Variants in RIPK4 observed in about 807,000 individuals in gnomAD.
The protein encoded by RIPK4 is receptor interacting serine/threonine kinase 4, also known as receptor-interacting serine/threonine-protein kinase 4.
In RIPK4, 17 loss-of-function variants were observed where a neutral mutation model predicts 42.9. The ratio of observed to expected loss-of-function variants is 0.40; its 90% CI spans 0.27 to 0.59. RIPK4 has a LOEUF of 0.59. Ranked by LOEUF, RIPK4 falls within the 20% of genes least tolerant of loss-of-function variation. RIPK4 has a pLI of 0.47. For synonymous variants in RIPK4, 498 were observed against 499.1 expected, an observed-to-expected ratio of 1.00 and a Z score of 0.03; for missense variants, 897 against 1,104.4, an observed-to-expected ratio of 0.81 and a Z score of 2.66.
At chr21:41,753,514 G>C (rs758394918) in intron 2 of RIPK4, among the ~76,000 whole-genome samples, 1 of 152,126 alleles carries the variant, frequency 6.6e-6, no homozygotes, top group African/African-American at 2.4e-5. Flanking sequence ...TCCATGTCTC[G>C]GACTCCTGGC....
intron 1 of RIPK4, among the ~76,000 whole-genome samples, chr21:41,763,562 C>T (rs1345541547): frequency 1.3e-5 from 2 of 152,164 alleles, no homozygotes; most frequent in African/African-American, 2.4e-5. Flanking sequence ...CAAAGAGCTC[C>T]GAAGGAGAAA....
chr21:41,766,600 G>T (rs1227431225), intron 1 of RIPK4, among the ~76,000 whole-genome samples: 1 of 152,090 alleles, frequency 6.6e-6, no homozygotes, highest in Non-Finnish European at 1.5e-5. Context: ...AGCCCCAGAG[G>T]AGCCCCAGAG....
intron 1 of RIPK4, among the ~76,000 whole-genome samples, chr21:41,761,393 T>C (rs2061219854): frequency 1.3e-5 from 2 of 152,274 alleles, no homozygotes; most frequent in South Asian, 4.1e-4. Context: ...CAGCTGCTGC[T>C]TCTCTTTTAT....
Position 41,742,107 on chromosome 21 carries a change from G to A in RIPK4, c.1196-110C>T, listed in dbSNP as rs1391239632. The A allele has an allele frequency of 4.2e-6, 4 of 944,676 alleles. No homozygotes were observed. Among genetic ancestry groups the A allele is most frequent in the Non-Finnish European group, 6.4e-6 (4 of 625,650 alleles). The allele number at this position is 944,676 out of a possible 1,614,324, so 58.5% of individuals were successfully genotyped here. On this transcript the variant is annotated intron_variant, in intron 7 of 7. Coordinates refer to ENST00000332512, the MANE Select transcript of RIPK4 (RefSeq NM_020639.3). This position sits in a 1 kb window ranked among gnomAD's most constrained non-coding sequence, Gnocchi z 5.1. Reference sequence around the variant, plus strand: ...GGTGGAGGAGTGCCATGGCCTCCAGGCTGCTCGCTGGTCACCCGACTGTGT... The same window carrying A: ...GGTGGAGGAGTGCCATGGCCTCCAGACTGCTCGCTGGTCACCCGACTGTGT...
intron 1 of RIPK4, among the ~76,000 whole-genome samples, chr21:41,762,159 C>T (rs2838116): frequency 0.75 from 114,744 of 152,092 alleles, 43,484 homozygotes; most frequent in African/African-American, 0.82. Context: ...TTTGAGGGCA[C>T]TTTCTCGAGG....
rs114940970 is a variant in RIPK4 at position 41,747,293 on chromosome 21, G to A, written c.674-522C>T. Among the ~76,000 whole-genome samples the A allele has an allele frequency of 3.7e-3, 559 of 152,288 alleles. 5 individuals are homozygous for A. The highest frequency in any genetic ancestry group is 0.013 in the African/African-American group (526 of 41,550). On this transcript the variant is annotated intron_variant, in intron 4 of 7. Coordinates refer to ENST00000332512, the MANE Select transcript of RIPK4 (RefSeq NM_020639.3). ...TCCCCTGCCGGTGCACCAGGGCTGGGATGTGTGGAAGGGCTCTTTCCCCTC... is the reference window on the plus strand; with the variant it reads ...TCCCCTGCCGGTGCACCAGGGCTGGAATGTGTGGAAGGGCTCTTTCCCCTC...
In RIPK4 at chr21:41,756,720, G is replaced by A; in HGVS notation, c.279C>T (p.Gly93=). 6.2e-7 allele frequency: 1 copy of A among 1,614,212 alleles called. No individual in the cohort carries two copies. The highest frequency in any genetic ancestry group is 1.1e-5 in the South Asian group (1 of 91,082). ...PVYGICREPV[G]LVMEYMETGS... is the part of the protein sequence containing the mutation. ...CCGTCTCCATGTACTCCATGACCAG[G>A]CCGACAGGTTCGCGGCAGATGCCAT... The change falls in exon 2 of 8, where the codon GGC becomes GGT. Residue 93 remains glycine (G), a synonymous_variant. Transcript: ENST00000332512.
intron 4 of RIPK4, among the ~76,000 whole-genome samples, chr21:41,747,130 C>T (rs2061174431): frequency 6.6e-6 from 1 of 152,200 alleles, no homozygotes; most frequent in Non-Finnish European, 1.5e-5. Flanking sequence ...ACAGCCCAAG[C>T]CAGCAAAGGG....
chr21:41,744,234 G>A lies in RIPK4; in HGVS notation c.937-94C>T, dbSNP rs1011344193. On this transcript the variant is annotated intron_variant, in intron 6 of 7. Coordinates refer to ENST00000332512, the MANE Select transcript of RIPK4 (RefSeq NM_020639.3). ...AACACAGAAGAGCAAGGTGGGCCAC[G>A]GGAGGGAGATGGGGGAGGAAAGGAC... 3.3e-5 allele frequency: 42 copies of A among 1,283,814 alleles called. No individual in the cohort carries two copies. The African/African-American group carries it at 4.0e-4, about 12-fold the overall frequency. The allele number at this position is 1,283,814 out of a possible 1,614,324, so 79.5% of individuals were successfully genotyped here.
intron 4 of RIPK4, among the ~76,000 whole-genome samples, chr21:41,747,597 A>C (rs1009311676): frequency 1.2e-4 from 18 of 152,326 alleles, no homozygotes; most frequent in Admixed American, 9.8e-4. Flanking sequence ...ATCAGCCGAG[A>C]ATCACCCACG....
Position 41,740,726 on chromosome 21 carries a change from TAA to T in RIPK4, c.*110_*111del, listed in dbSNP as rs1853402752. 1 of 1,082,184 alleles carries T rather than the reference TAA, an allele frequency of 9.2e-7. No homozygotes were observed. The highest frequency in any genetic ancestry group is 2.6e-5 in the East Asian group (1 of 38,408). 67.0% of individuals were successfully genotyped at this position (1,082,184 alleles called of 1,614,324 possible). ...TGGCACCATGTCACCTCTGCTTGGT[TAA>T]CATTTAGGTAAGCCACAACAGGGCC... On this transcript the variant is annotated 3_prime_UTR_variant, in exon 8 of 8. Transcript: ENST00000332512.
Position 41,741,513 on chromosome 21 carries a change from G to T in RIPK4, c.1680C>A (p.Gly560=). ...CCTTGCCCTGCAGGCTCACGTCCAC[G>T]CCTCGGCGCAGCAGGATGCGCACGA... ...ENIVRILLRR[G]VDVSLQGKDA... The change falls in exon 8 of 8, where the codon GGC becomes GGA. Residue 560 remains glycine, a synonymous_variant. Transcript: ENST00000332512. 6.2e-7 allele frequency: 1 copy of T among 1,612,462 alleles called. No individual in the cohort carries two copies. Among genetic ancestry groups the T allele is most frequent in the Non-Finnish European group, 8.5e-7 (1 of 1,179,968 alleles).
Position 41,742,992 on chromosome 21 carries a change from G to A in RIPK4, c.1195+890C>T, listed in dbSNP as rs1167341528. 6.6e-6 allele frequency among the ~76,000 whole-genome samples: 1 copy of A among 152,160 alleles called. No homozygotes were observed. The highest frequency in any genetic ancestry group is 1.5e-5 in the Non-Finnish European group (1 of 68,040). ...TCTATGTAGCATTGCCTTAAAACAA[G>A]ACAGCCTCCTTTGCCCCCAATATTC... On this transcript the variant is annotated intron_variant, in intron 7 of 7. Coordinates refer to ENST00000332512, the MANE Select transcript of RIPK4 (RefSeq NM_020639.3). This position sits in a 1 kb window ranked among gnomAD's most constrained non-coding sequence, Gnocchi z 5.1.
intron 1 of RIPK4, among the ~76,000 whole-genome samples, chr21:41,759,176 G>A (rs1375506639): frequency 4.3e-4 from 65 of 152,078 alleles, no homozygotes; most frequent in Admixed American, 4.3e-3. Flanking sequence ...CTAGCTCACT[G>A]CAACCTCTAC....
intron 1 of RIPK4, among the ~76,000 whole-genome samples, chr21:41,762,034 C>A (rs2061221921): frequency 6.6e-6 from 1 of 152,220 alleles, no homozygotes. Context: ...GCCACTGCTG[C>A]TAGTTGGCTC....
intron 1 of RIPK4, among the ~76,000 whole-genome samples, chr21:41,764,210 A>G (rs1404628972): frequency 6.6e-6 from 1 of 152,170 alleles, no homozygotes; most frequent in Non-Finnish European, 1.5e-5. Flanking sequence ...GGCCTGGCGC[A>G]GCCTGCTCAT....
intron 2 of RIPK4, among the ~76,000 whole-genome samples, chr21:41,752,957 C>T (rs985532251): frequency 1.3e-5 from 2 of 152,122 alleles, no homozygotes; most frequent in African/African-American, 4.8e-5. Flanking sequence ...ATGTAACAAA[C>T]TGGCACATTC....
In RIPK4 at chr21:41,749,154, C is replaced by T; in HGVS notation, c.673G>A (p.Asp225Asn). ...GVLTQKKPFADEKNILHIMVK... is the reference protein window; with the variant it reads ...GVLTQKKPFANEKNILHIMVK... Reference sequence around the variant, plus strand: ...ACACCTCAAAGACAGGTCCACTCACCTGCAAACGGCTTCTTCTGTGTGAGC... The same window carrying T: ...ACACCTCAAAGACAGGTCCACTCACTTGCAAACGGCTTCTTCTGTGTGAGC... The change falls in exon 4 of 8, where the codon GAT becomes AAT. Residue 225 changes from aspartate (D) to asparagine (N), a missense_variant and splice_region_variant. Asp to Asn is a conservative substitution (Grantham distance 23). Transcript: ENST00000332512. 1 of 1,613,754 alleles carries T rather than the reference C, an allele frequency of 6.2e-7. No individual in the cohort carries two copies. Among genetic ancestry groups the T allele is most frequent in the Non-Finnish European group, 8.5e-7 (1 of 1,179,854 alleles).
chr21:41,753,528 C>T (rs2061194609), intron 2 of RIPK4, among the ~76,000 whole-genome samples: 1 of 152,244 alleles, frequency 6.6e-6, no homozygotes, highest in Admixed American at 6.5e-5. Flanking sequence ...TCCTGGCCGG[C>T]TGCATTTCCC....
Sources: gnomAD v4.1 joint callset for allele counts (sites outside exome capture counted in the v4.1 genomes callset) on GRCh38, gnomAD v4.1.1 for gene constraint, Gnocchi (gnomAD v3.1) non-coding constraint, MANE v1.5 for transcripts, NCBI Gene and HGNC (gene_info 2026-07-23, HGNC 2026-07-21) for gene names.